Variants in USP45 observed in about 807,000 individuals in gnomAD.
The protein encoded by USP45 is ubiquitin carboxyl-terminal hydrolase 45.
Under a neutral mutation model 95.8 loss-of-function variants are expected in USP45, and 89 were observed. That is an observed-to-expected ratio of 0.93 (90% CI 0.78 to 1.11). The LOEUF is 1.11. USP45 is among the 50% of genes least tolerant of loss of function. USP45 has a pLI of 0.00. For synonymous variants in USP45, 281 were observed against 316.2 expected, an observed-to-expected ratio of 0.89 and a Z score of 1.18; for missense variants, 898 against 942.5, an observed-to-expected ratio of 0.95 and a Z score of 0.62.
At chr6:99,504,757 GGTTCTGACAACT>G (rs2128792461) in intron 4 of USP45, among the ~76,000 whole-genome samples, 1 of 152,192 alleles carries the variant, frequency 6.6e-6, no homozygotes, top group African/African-American at 2.4e-5. Context: ...TGACAGTTTT[GGTTCTGACAACT>G]GGTGAGAGGT....
At chr6:99,470,280 G>A (rs1269547905) in intron 9 of USP45, among the ~76,000 whole-genome samples, 1 of 152,140 alleles carries the variant, frequency 6.6e-6, no homozygotes, top group Non-Finnish European at 1.5e-5. Flanking sequence ...ATGCCCTGCT[G>A]CCTGGATAAG....
intron 10 of USP45, among the ~76,000 whole-genome samples, chr6:99,467,464 A>G (rs1437689149): frequency 1.3e-5 from 2 of 152,112 alleles, no homozygotes; most frequent in African/African-American, 4.8e-5. Flanking sequence ...CCCTCTTTCA[A>G]ACTTCTTTTT....
At chr6:99,436,694 TA>T (rs1352160066) in intron 17 of USP45, among the ~76,000 whole-genome samples, 1 of 152,216 alleles carries the variant, frequency 6.6e-6, no homozygotes, top group African/African-American at 2.4e-5. Flanking sequence ...TCCACTATAA[TA>T]CACAATGACT....
At chr6:99,497,079 C>T (rs1237403506) in intron 5 of USP45, among the ~76,000 whole-genome samples, 1 of 152,074 alleles carries the variant, frequency 6.6e-6, no homozygotes, top group East Asian at 1.9e-4. Flanking sequence ...TGTGCTTTGC[C>T]TATTCACCCC....
chr6:99,449,636 T>C (rs1467785844), intron 13 of USP45, among the ~76,000 whole-genome samples: 2 of 138,604 alleles, frequency 1.4e-5, no homozygotes, highest in Non-Finnish European at 3.3e-5. Flanking sequence ...AGACAGAAAG[T>C]TAACAAGGAT....
At chr6:99,440,535 GAA>G (rs1209367052) in intron 15 of USP45, among the ~76,000 whole-genome samples, 2 of 152,142 alleles carry the variant, frequency 1.3e-5, no homozygotes, top group African/African-American at 2.4e-5. Flanking sequence ...CTGTTGGAAT[GAA>G]AAGATACCTA....
chr6:99,503,872 A>T lies in USP45; in HGVS notation c.378-7T>A, dbSNP rs567496137. 262 of 1,535,398 alleles carry T rather than the reference A, an allele frequency of 1.7e-4. 6 individuals are homozygous for T. The South Asian group carries it at 2.7e-3, about 16-fold the overall frequency. On this transcript the variant is annotated splice_region_variant and splice_polypyrimidine_tract_variant and intron_variant, in intron 4 of 17. Transcript: ENST00000500704. ...TTCATCACATTCATAACACCTGAAA[A>T]AGTATAAAATTTAAGAAAATATTAT...
rs370088709 is a variant in USP45, at chr6:99,466,346, C to T, written c.1107+326G>A. Among the ~76,000 whole-genome samples the T allele has an allele frequency of 7.2e-5, 11 of 152,232 alleles. No homozygotes were observed. In the South Asian group the frequency reaches 2.1e-3, roughly 29 times the overall value. ...GGAATTACATTTTAGGGCACTGCAACGTAGCACAGTTACTCTCTTCACAGA... is the reference window on the plus strand; with the variant it reads ...GGAATTACATTTTAGGGCACTGCAATGTAGCACAGTTACTCTCTTCACAGA... On this transcript the variant is annotated intron_variant, in intron 11 of 17. Transcript: ENST00000500704.
chr6:99,453,681 G>T (rs1443085977), intron 13 of USP45, among the ~76,000 whole-genome samples: 7 of 152,186 alleles, frequency 4.6e-5, no homozygotes, highest in Non-Finnish European at 8.8e-5. Context: ...GAACCTGGCT[G>T]GGTACAGTGG....
chr6:99,462,154 G>A (rs532020796), intron 13 of USP45: 12 of 979,744 alleles, frequency 1.2e-5, no homozygotes, highest in East Asian at 2.3e-4. Context: ...TGAAAAAAAC[G>A]TTCAATAAAG....
At chr6:99,442,102 C>A (rs1781632105) in intron 15 of USP45, among the ~76,000 whole-genome samples, 2 of 152,108 alleles carry the variant, frequency 1.3e-5, no homozygotes, top group South Asian at 4.1e-4. Context: ...GAAAAAGGGA[C>A]CTAGATGGAT....
At chr6:99,466,331 T>C (rs1443026060) in intron 11 of USP45, among the ~76,000 whole-genome samples, 1 of 152,118 alleles carries the variant, frequency 6.6e-6, no homozygotes, top group Non-Finnish European at 1.5e-5. Flanking sequence ...GGAATTACAT[T>C]TTAGGGCACT....
intron 15 of USP45, among the ~76,000 whole-genome samples, chr6:99,442,751 G>A (rs1302933161): frequency 6.6e-6 from 1 of 152,178 alleles, no homozygotes; most frequent in Admixed American, 6.5e-5. Flanking sequence ...GGAGGCTGAA[G>A]CAGGAGAATC....
In USP45 at chr6:99,435,775, G is replaced by T; in HGVS notation, c.2386C>A (p.Pro796Thr). 1 of 1,613,612 alleles carries T rather than the reference G, an allele frequency of 6.2e-7. No homozygotes were observed. Among genetic ancestry groups the T allele is most frequent in the Non-Finnish European group, 8.5e-7 (1 of 1,179,616 alleles). ...HVSDTYLQVV[P>T]ESRALSAQAY... ...TGTGCACTAAGTGCTCTTGATTCTGGAACCACCTGTAAGTAAGTGTCACTA... is the reference window on the plus strand; with the variant it reads ...TGTGCACTAAGTGCTCTTGATTCTGTAACCACCTGTAAGTAAGTGTCACTA... The change falls in exon 18 of 18, where the codon CCA becomes ACA. Residue 796 changes from proline (P) to threonine (T), a missense_variant. By Grantham distance (38) the Pro-to-Thr change is conservative. Transcript: ENST00000500704.
chr6:99,516,956 A>T (rs1801154449), upstream of USP45, among the ~76,000 whole-genome samples: 1 of 152,200 alleles, frequency 6.6e-6, no homozygotes, highest in Non-Finnish European at 1.5e-5. Flanking sequence ...AAAATTAGAA[A>T]TTATCAAATA....
intron 8 of USP45, among the ~76,000 whole-genome samples, chr6:99,476,842 A>C (rs1790999435): frequency 6.6e-6 from 1 of 152,218 alleles, no homozygotes; most frequent in African/African-American, 2.4e-5. Context: ...CTATAAGTTG[A>C]TCTCCCTGTG....
chr6:99,471,791 A>G (rs1330489465), intron 9 of USP45, among the ~76,000 whole-genome samples: 1 of 152,234 alleles, frequency 6.6e-6, no homozygotes, highest in African/African-American at 2.4e-5. Context: ...CCTTCAATCA[A>G]GAAACACATG....
chr6:99,458,177 G>A (rs1024899768), intron 13 of USP45, among the ~76,000 whole-genome samples: 2 of 152,036 alleles, frequency 1.3e-5, no homozygotes, highest in African/African-American at 4.8e-5. Context: ...GTGCCACCAT[G>A]ACCGGCTAAT....
intron 9 of USP45, among the ~76,000 whole-genome samples, chr6:99,475,276 C>T (rs1389373437): frequency 1.3e-5 from 2 of 151,468 alleles, no homozygotes; most frequent in Non-Finnish European, 2.9e-5. Context: ...CCTATATCCC[C>T]CTATCGCCCA....
Sources: allele counts gnomAD v4.1 joint callset (sites outside exome capture counted in the v4.1 genomes callset), GRCh38; gene constraint gnomAD v4.1.1; transcripts MANE v1.5; gene names NCBI Gene and HGNC (gene_info 2026-07-23, HGNC 2026-07-21).